PRKCH: variants seen among roughly 807,000 people sequenced by gnomAD.
PRKCH encodes protein kinase C eta.
PRKCH carries 28 observed loss-of-function variants against 82.5 expected under a neutral mutation model. That is an observed-to-expected ratio of 0.34 (90% CI 0.25 to 0.47). PRKCH has a LOEUF of 0.47. Among genes scored for constraint, PRKCH ranks in the 20% least tolerant of loss-of-function variants. The pLI, the probability that PRKCH is intolerant of heterozygous loss-of-function variation, is 1.00. For missense variants in PRKCH, 705 were observed against 881.8 expected, an observed-to-expected ratio of 0.80 and a Z score of 2.54; for synonymous variants, 322 against 327.4, an observed-to-expected ratio of 0.98 and a Z score of 0.18.
chr14:61,362,402 A>G (rs1322638730), intron 1 of PRKCH, among the ~76,000 whole-genome samples: 1 of 151,894 alleles, frequency 6.6e-6, no homozygotes, highest in Non-Finnish European at 1.5e-5. Flanking sequence ...AGGAAATTCA[A>G]AGGATTATTT....
At chr14:61,221,491 T>C (rs1264900430) in intron 1 of PRKCH, among the ~76,000 whole-genome samples, 1 of 152,038 alleles carries the variant, frequency 6.6e-6, no homozygotes, top group African/African-American at 2.4e-5. Flanking sequence ...CTTCCCTCCA[T>C]GTGCCCCCTC....
chr14:61,391,232 T>G lies in PRKCH; in HGVS notation c.371T>G (p.Leu124Arg). Reference protein sequence around the residue: ...ASDTFEGWVDLEPEGKVFVVI... With the variant: ...ASDTFEGWVDREPEGKVFVVI... Reference sequence around the variant, plus strand: ...TTTTTTTTCTCTTTGTAGGTGGATCTCGAGCCAGAGGGGAAAGTATTTGTG... The same window carrying G: ...TTTTTTTTCTCTTTGTAGGTGGATCGCGAGCCAGAGGGGAAAGTATTTGTG... Residue 124 changes from leucine (L) to arginine (R), a missense_variant, in exon 2 of 14, where the codon CTC becomes CGC. By Grantham distance (102) the Leu-to-Arg change is moderately radical. Transcript: ENST00000332981. The G allele has an allele frequency of 6.2e-7, 1 of 1,610,340 alleles. No individual in the cohort carries two copies. Among genetic ancestry groups the G allele is most frequent in the Non-Finnish European group, 8.5e-7 (1 of 1,178,342 alleles).
At chr14:61,210,095 AAC>A (rs1198677240) in intron 1 of PRKCH, among the ~76,000 whole-genome samples, 7 of 120,568 alleles carry the variant, frequency 5.8e-5, no homozygotes, top group African/African-American at 2.1e-4. Context: ...CAAAAAACAA[AAC>A]AAACAAACAA....
chr14:61,492,582 C>T (rs7158705), intron 10 of PRKCH, among the ~76,000 whole-genome samples: 138,458 of 152,230 alleles, frequency 0.91, 64,256 homozygotes, highest in Non-Finnish European at 1. Flanking sequence ...GAAGAGCAAA[C>T]CAAGACATTT....
At chr14:61,494,789 C>T (rs1288465780) in intron 10 of PRKCH, among the ~76,000 whole-genome samples, 3 of 152,220 alleles carry the variant, frequency 2.0e-5, no homozygotes, top group Non-Finnish European at 4.4e-5. Context: ...GGAGTTTTAG[C>T]TTGTAAAAAT....
intron 1 of PRKCH, among the ~76,000 whole-genome samples, chr14:61,277,099 T>G (rs2045210818): frequency 1.3e-5 from 2 of 151,920 alleles, no homozygotes; most frequent in Admixed American, 1.3e-4. Context: ...GACACGAGAA[T>G]CTCTTGAACC....
intron 1 of PRKCH, among the ~76,000 whole-genome samples, chr14:61,255,785 C>T (rs2044992101): frequency 1.3e-5 from 2 of 152,092 alleles, no homozygotes; most frequent in South Asian, 2.1e-4. Flanking sequence ...GTCTTCTCAC[C>T]TGGTCTAGAC....
In PRKCH at chr14:61,366,421, A is replaced by C. The variant is rs142253011; in HGVS notation, c.364-24804A>C. Among the ~76,000 whole-genome samples, 322 of 152,230 alleles carry C rather than the reference A, an allele frequency of 2.1e-3. 5 individuals are homozygous for C. Among genetic ancestry groups the C allele is most frequent in the African/African-American group, 7.4e-3 (308 of 41,462 alleles). ...TTCTGTTTCTTTATTTCCTTGAGCA[A>C]AGATAATGATTGATAAGGAAGTAAA... is the stretch of plus-strand genomic sequence containing the variant. On this transcript the variant is annotated intron_variant, in intron 1 of 13. Transcript: ENST00000332981.
At chr14:61,469,792 G>A (rs907294543) in intron 9 of PRKCH, among the ~76,000 whole-genome samples, 2 of 152,144 alleles carry the variant, frequency 1.3e-5, no homozygotes, top group Admixed American at 6.5e-5. Flanking sequence ...TAGCAGACTC[G>A]TCGTGTAGAG....
At chr14:61,394,297 G>T (rs183249761) in intron 2 of PRKCH, among the ~76,000 whole-genome samples, 2 of 152,190 alleles carry the variant, frequency 1.3e-5, no homozygotes, top group East Asian at 1.9e-4. Flanking sequence ...TTACAATTTG[G>T]GGGGGTGTTC....
At chr14:61,468,772 C>A (rs181293133) in intron 9 of PRKCH, among the ~76,000 whole-genome samples, 129 of 152,304 alleles carry the variant, frequency 8.5e-4, no homozygotes, top group African/African-American at 3.0e-3. Context: ...AGACCGCCAC[C>A]TCCATGTCTG....
Position 61,303,012 on chromosome 14 carries a change from A to ATTTTTTTTTTTT in PRKCH, c.-19+115351_-19+115362dup, listed in dbSNP as rs139375822. ...ACAGATTTGTATATTTGTTCCTTCA[A>ATTTTTTTTTTTT]TTTTTTTTTTTTTTTTTTGAGACAG... On this transcript the variant is annotated intron_variant, in intron 1 of 3. Transcript: ENST00000555185. 3.1e-5 allele frequency: 4 copies of ATTTTTTTTTTTT among 129,050 alleles called. 1 individual carries two copies. The highest frequency in any genetic ancestry group is 5.5e-5 in the African/African-American group (2 of 36,090). 8.0% of individuals were successfully genotyped at this position (129,050 alleles called of 1,614,324 possible).
intron 1 of PRKCH, among the ~76,000 whole-genome samples, chr14:61,261,880 A>G (rs2045047821): frequency 6.6e-6 from 1 of 152,142 alleles, no homozygotes; most frequent in African/African-American, 2.4e-5. Context: ...CCTAAGTATT[A>G]CCTGAAATAA....
chr14:61,517,417 T>C (rs893888654), intron 10 of PRKCH, among the ~76,000 whole-genome samples: 3 of 152,228 alleles, frequency 2.0e-5, no homozygotes, highest in African/African-American at 7.2e-5. Flanking sequence ...GGGTCTGTGT[T>C]CCTCTAGTAA....
At chr14:61,374,192 A>C (rs1350068531) in intron 1 of PRKCH, among the ~76,000 whole-genome samples, 1 of 152,166 alleles carries the variant, frequency 6.6e-6, no homozygotes, top group Admixed American at 6.5e-5. Flanking sequence ...TCTCACATCC[A>C]GGGCACACCG....
intron 1 of PRKCH, among the ~76,000 whole-genome samples, chr14:61,250,859 G>A (rs544929162): frequency 6.6e-6 from 1 of 152,046 alleles, no homozygotes; most frequent in African/African-American, 2.4e-5. Flanking sequence ...TATATTTTCT[G>A]CTCAATTTTT....
At chr14:61,297,079 TTTC>T (rs1259110371) in intron 1 of PRKCH, among the ~76,000 whole-genome samples, 1 of 152,220 alleles carries the variant, frequency 6.6e-6, no homozygotes, top group Non-Finnish European at 1.5e-5. Flanking sequence ...TCTGATTCCC[TTTC>T]TTCTTCTTTT....
intron 1 of PRKCH, among the ~76,000 whole-genome samples, chr14:61,221,375 T>C (rs2044654798): frequency 6.6e-6 from 1 of 152,210 alleles, no homozygotes; most frequent in Non-Finnish European, 1.5e-5. Context: ...TGGATATATC[T>C]ATTAGCCCTG....
intron 10 of PRKCH, chr14:61,528,809 C>T: frequency 3.8e-6 from 1 of 264,178 alleles, no homozygotes; most frequent in Non-Finnish European, 7.3e-6. Flanking sequence ...TTTTACAGGA[C>T]AGCCTACATT....
Sources: allele counts gnomAD v4.1 joint callset (sites outside exome capture counted in the v4.1 genomes callset), GRCh38; gene constraint gnomAD v4.1.1; transcripts MANE v1.5; gene names NCBI Gene and HGNC (gene_info 2026-07-23, HGNC 2026-07-21).